Variants in KLF8 observed in about 807,000 individuals in gnomAD.
KLF8 encodes Krueppel-like factor 8.
KLF8 carries 10 observed loss-of-function variants against 18.2 expected under a neutral mutation model. That is an observed-to-expected ratio of 0.55 (90% CI 0.34 to 0.93). The LOEUF (loss-of-function observed/expected upper bound fraction) is 0.93, where lower values mean the gene tolerates loss of function less well. Ranked by LOEUF, KLF8 falls within the 40% of genes least tolerant of loss-of-function variation. The pLI, the probability that KLF8 is intolerant of heterozygous loss-of-function variation, is 0.02. For synonymous variants in KLF8, 109 were observed against 97.3 expected (o/e 1.12, Z -0.71); for missense variants, 264 against 277.9 (o/e 0.95, Z 0.36).
the KLF8 span, among the ~76,000 whole-genome samples, chrX:55,913,483 A>G: frequency 9.0e-6 from 1 of 111,296 alleles, no homozygotes; most frequent in Admixed American, 9.6e-5. Flanking sequence ...TCCTTATAAA[A>G]CAGGGAAATT....
At chrX:56,173,611 A>G in the KLF8 span, among the ~76,000 whole-genome samples, 2 of 111,989 alleles carry the variant, frequency 1.8e-5, no homozygotes, top group Non-Finnish European at 3.8e-5. Context: ...TGAACTTTAA[A>G]GTAGTTTTTT....
chrX:55,924,600 G>A, the KLF8 span, among the ~76,000 whole-genome samples: 3 of 111,378 alleles, frequency 2.7e-5, no homozygotes, highest in Admixed American at 2.9e-4. Context: ...TTCATGCAAT[G>A]AATGAACATA....
the KLF8 span, among the ~76,000 whole-genome samples, chrX:56,049,833 G>A: frequency 9.2e-6 from 1 of 109,230 alleles, no homozygotes; most frequent in Admixed American, 9.8e-5. Flanking sequence ...AATAGCTTCA[G>A]AAGGAATGGT....
the KLF8 span, among the ~76,000 whole-genome samples, chrX:56,213,098 C>A: frequency 1.7e-4 from 19 of 109,912 alleles, no homozygotes; most frequent in African/African-American, 6.3e-4. Flanking sequence ...AGACAGTGAC[C>A]TAGTTACTAA....
At position 56,259,325 on chromosome X, in the gene KLF8, C is replaced by T. The variant is rs1239771753; in HGVS notation, c.82-5855C>T. Among the ~76,000 whole-genome samples the T allele has an allele frequency of 1.2e-4, 13 of 110,946 alleles. No individual in the cohort carries two copies. The East Asian group carries it at 2.5e-3, about 22-fold the overall frequency. Reference sequence around the variant, plus strand: ...CTACATAACTACATCAGCACTGTCACGCCCAAGAAAATGAACAATATTTCC... The same window carrying T: ...CTACATAACTACATCAGCACTGTCATGCCCAAGAAAATGAACAATATTTCC... On this transcript the variant is annotated intron_variant, in intron 2 of 5. Coordinates refer to ENST00000468660, the MANE Select transcript of KLF8 (RefSeq NM_007250.5).
chrX:56,203,573 T>C, the KLF8 span, among the ~76,000 whole-genome samples: 3 of 112,568 alleles, frequency 2.7e-5, no homozygotes, highest in Non-Finnish European at 1.9e-5. Context: ...TCGATTCAAG[T>C]CTTTAATCCA....
chrX:56,137,104 A>T, the KLF8 span, among the ~76,000 whole-genome samples: 2 of 110,301 alleles, frequency 1.8e-5, no homozygotes, highest in Non-Finnish European at 3.8e-5. Context: ...GTCAGGAAAC[A>T]ACAGGTTCTG....
the KLF8 span, among the ~76,000 whole-genome samples, chrX:55,990,367 T>C: frequency 8.9e-6 from 1 of 112,461 alleles, no homozygotes; most frequent in African/African-American, 3.2e-5. Flanking sequence ...TACACACTGC[T>C]TTGAATGTGT....
the KLF8 span, among the ~76,000 whole-genome samples, chrX:56,144,456 C>T: frequency 9.1e-6 from 1 of 109,845 alleles, no homozygotes. Context: ...ACATAAAGAA[C>T]ACTTTTCTTT....
the KLF8 span, among the ~76,000 whole-genome samples, chrX:56,182,481 T>G: frequency 7.1e-5 from 8 of 112,622 alleles, no homozygotes; most frequent in Non-Finnish European, 1.3e-4. Context: ...ATCAAAGTCA[T>G]TCTCCATCCA....
the KLF8 span, among the ~76,000 whole-genome samples, chrX:56,049,516 G>T: frequency 1.8e-4 from 20 of 108,168 alleles, no homozygotes; most frequent in East Asian, 2.9e-4. Context: ...CTGCATCTAT[G>T]GAGATAATCA....
At chrX:56,204,744 A>T in the KLF8 span, among the ~76,000 whole-genome samples, 1 of 111,013 alleles carries the variant, frequency 9.0e-6, no homozygotes, top group Admixed American at 9.7e-5. Flanking sequence ...TGTCCTATGA[A>T]AGTTCCAATG....
At chrX:56,051,458 G>A in the KLF8 span, among the ~76,000 whole-genome samples, 1 of 110,190 alleles carries the variant, frequency 9.1e-6, no homozygotes, top group Non-Finnish European at 1.9e-5. Flanking sequence ...TTGTAAGGCA[G>A]GCCTGGTGGT....
chrX:56,208,249 C>G, the KLF8 span, among the ~76,000 whole-genome samples: 1 of 111,793 alleles, frequency 8.9e-6, no homozygotes, highest in Non-Finnish European at 1.9e-5. Flanking sequence ...TTCTTCCAGA[C>G]TCTCCAATTT....
At chrX:55,995,807 A>T in the KLF8 span, among the ~76,000 whole-genome samples, 90 of 111,401 alleles carry the variant, frequency 8.1e-4, no homozygotes, top group African/African-American at 2.7e-3. Context: ...GCTGCCTTTA[A>T]TATTTTTTTC....
the KLF8 span, among the ~76,000 whole-genome samples, chrX:56,137,755 T>G: frequency 2.3e-5 from 2 of 88,649 alleles, no homozygotes; most frequent in African/African-American, 8.6e-5. Flanking sequence ...AGTATAATAA[T>G]AAAAGAAAAA....
At chrX:56,078,141 C>A in the KLF8 span, among the ~76,000 whole-genome samples, 1 of 111,716 alleles carries the variant, frequency 9.0e-6, no homozygotes, top group Admixed American at 9.5e-5. Context: ...ATTTCCTTCT[C>A]CTGCCTAATT....
At chrX:56,031,958 G>A in the KLF8 span, among the ~76,000 whole-genome samples, 1 of 111,379 alleles carries the variant, frequency 9.0e-6, no homozygotes, top group East Asian at 2.8e-4. Context: ...GAGTGAAACA[G>A]AACAGAAGGA....
the KLF8 span, among the ~76,000 whole-genome samples, chrX:56,104,648 A>C: frequency 9.0e-6 from 1 of 110,714 alleles, no homozygotes; most frequent in Admixed American, 9.6e-5. Context: ...GATTTTGTTG[A>C]TCTTTTCAAA....
Sources: allele counts gnomAD v4.1 joint callset (sites outside exome capture counted in the v4.1 genomes callset), GRCh38; gene constraint gnomAD v4.1.1; transcripts MANE v1.5; gene names NCBI Gene and HGNC (gene_info 2026-07-23, HGNC 2026-07-21).